The following TMEM108 variants were observed in gnomAD, a reference collection of about 807,000 sequenced individuals.
TMEM108 encodes the protein transmembrane protein 108.
Under a neutral mutation model 35.1 loss-of-function variants are expected in TMEM108, and 12 were observed. The ratio of observed to expected loss-of-function variants is 0.34; its 90% CI spans 0.22 to 0.55. TMEM108 has a LOEUF of 0.55. Ranked by LOEUF, TMEM108 falls within the 20% of genes least tolerant of loss-of-function variation. TMEM108 has a pLI of 0.89. For synonymous variants in TMEM108, 287 were observed against 308.6 expected (o/e 0.93, Z 0.73); for missense variants, 680 against 753.3 (o/e 0.90, Z 1.14).
intron 2 of TMEM108, among the ~76,000 whole-genome samples, chr3:133,172,837 G>A (rs1187600635): frequency 6.6e-6 from 1 of 152,164 alleles, no homozygotes. Context: ...GAATCATGGG[G>A]GCAGGTCTTT....
intron 2 of TMEM108, among the ~76,000 whole-genome samples, chr3:133,132,413 A>T (rs568249215): frequency 3.3e-5 from 5 of 152,324 alleles, no homozygotes; most frequent in African/African-American, 9.6e-5. Flanking sequence ...GAATGATGCT[A>T]AACTATTATT....
intron 4 of TMEM108, among the ~76,000 whole-genome samples, chr3:133,385,628 G>A (rs1457571343): frequency 6.6e-6 from 1 of 152,132 alleles, no homozygotes; most frequent in Non-Finnish European, 1.5e-5. Context: ...GTTTCTCATC[G>A]ACAAAACAAA....
intron 3 of TMEM108, among the ~76,000 whole-genome samples, chr3:133,337,936 T>C (rs181197825): frequency 1.3e-5 from 2 of 152,276 alleles, no homozygotes; most frequent in South Asian, 4.1e-4. Context: ...ATCAGGGTCT[T>C]TTAATAGCAG....
intron 3 of TMEM108, among the ~76,000 whole-genome samples, chr3:133,271,764 C>A (rs948196559): frequency 1.3e-5 from 2 of 152,140 alleles, no homozygotes; most frequent in African/African-American, 4.8e-5. Context: ...CCTAGAAGCA[C>A]GCTAAGCTTG....
At chr3:133,388,012 C>G in intron 4 of TMEM108, 1 of 985,492 alleles carries the variant, frequency 1.0e-6, no homozygotes, top group Admixed American at 6.1e-5. Context: ...TGTTCTGTGT[C>G]TATGGCAGTG....
intron 3 of TMEM108, among the ~76,000 whole-genome samples, chr3:133,377,124 T>G (rs1708385): frequency 2.6e-5 from 4 of 151,954 alleles, no homozygotes; most frequent in African/African-American, 9.7e-5. Context: ...GGCCCACTCT[T>G]TTGGCCTCAT....
chr3:133,297,811 C>A (rs931280670), intron 3 of TMEM108, among the ~76,000 whole-genome samples: 1 of 152,158 alleles, frequency 6.6e-6, no homozygotes, highest in Non-Finnish European at 1.5e-5. Flanking sequence ...AGAACAAGCA[C>A]CCCTCCAGGC....
intron 3 of TMEM108, among the ~76,000 whole-genome samples, chr3:133,308,698 C>T (rs1010724428): frequency 9.2e-5 from 14 of 152,154 alleles, no homozygotes; most frequent in African/African-American, 2.2e-4. Context: ...GCCTTGCATC[C>T]GCGGGGTGAA....
At chr3:133,088,114 A>G (rs887427071) in intron 2 of TMEM108, among the ~76,000 whole-genome samples, 3 of 152,166 alleles carry the variant, frequency 2.0e-5, no homozygotes, top group Non-Finnish European at 4.4e-5. Flanking sequence ...GGAGAAGTAA[A>G]AAGAAAGATG....
intron 2 of TMEM108, among the ~76,000 whole-genome samples, chr3:133,210,095 C>G (rs181699963): frequency 1.3e-5 from 2 of 152,286 alleles, no homozygotes; most frequent in African/African-American, 4.8e-5. Flanking sequence ...ATATAACTTG[C>G]AAATGTGGTT....
Position 133,380,742 on chromosome 3 carries a change from G to C in TMEM108, c.1031G>C (p.Arg344Thr). The C allele has an allele frequency of 2.5e-6, 4 of 1,614,106 alleles. No individual in the cohort carries two copies. The highest frequency in any genetic ancestry group is 3.4e-6 in the Non-Finnish European group (4 of 1,180,014). ...SWLTVTPGTS[R>T]PLSTSSGVFT... ...CTTACTGTTACCCCTGGCACCAGCA[G>C]ACCTCTGTCTACCAGCTCTGGGGTC... The change falls in exon 4 of 6, where the codon AGA becomes ACA. Residue 344 changes from arginine to threonine, a missense_variant. By Grantham distance (71) the Arg-to-Thr change is moderately conservative. This residue lies in a region of TMEM108 where 526 missense variants were observed against 532.1 expected (regional missense o/e 0.99). Coordinates refer to ENST00000321871, the MANE Select transcript of TMEM108 (RefSeq NM_023943.4). This position sits in a 1 kb window ranked among gnomAD's most constrained non-coding sequence, Gnocchi z 5.3.
intron 3 of TMEM108, among the ~76,000 whole-genome samples, chr3:133,339,966 A>G (rs1197278): frequency 0.98 from 148,422 of 151,858 alleles, 72,610 homozygotes; most frequent in East Asian, 1. Flanking sequence ...TAAGAAGAAA[A>G]TTTATAGCTA....
At position 133,291,967 on chromosome 3, in the gene TMEM108, T is replaced by A. The variant is rs528039125; in HGVS notation, c.40+62616T>A. Reference sequence around the variant, plus strand: ...TTTGGCTGAGCAGGATCTGCAGTGGTTCCCAACCCTGACTGCACATCTGAA... The same window carrying A: ...TTTGGCTGAGCAGGATCTGCAGTGGATCCCAACCCTGACTGCACATCTGAA... On this transcript the variant is annotated intron_variant, in intron 3 of 5. Transcript: ENST00000321871. Among the ~76,000 whole-genome samples the A allele has an allele frequency of 1.4e-4, 22 of 152,246 alleles. No homozygotes were observed. The South Asian group carries it at 4.6e-3, about 32-fold the overall frequency.
At chr3:133,091,293 G>C (rs1943944187) in intron 2 of TMEM108, among the ~76,000 whole-genome samples, 1 of 152,070 alleles carries the variant, frequency 6.6e-6, no homozygotes, top group Non-Finnish European at 1.5e-5. Flanking sequence ...CCTCTTTACA[G>C]GGATCTTCTG....
intron 2 of TMEM108, among the ~76,000 whole-genome samples, chr3:133,096,309 C>T (rs530594591): frequency 1.8e-4 from 27 of 152,254 alleles, no homozygotes; most frequent in Admixed American, 1.2e-3. Flanking sequence ...CAGGCATGCA[C>T]GACCACATGC....
intron 3 of TMEM108, among the ~76,000 whole-genome samples, chr3:133,359,112 A>T (rs1217230684): frequency 1.3e-5 from 2 of 152,232 alleles, no homozygotes; most frequent in Admixed American, 6.5e-5. Flanking sequence ...CATCAAGCCT[A>T]TAATGTTTAC....
At chr3:133,266,514 G>C (rs1946698886) in intron 3 of TMEM108, among the ~76,000 whole-genome samples, 1 of 152,180 alleles carries the variant, frequency 6.6e-6, no homozygotes, top group South Asian at 2.1e-4. Flanking sequence ...TAGTGTAGAA[G>C]AGAAAATAAA....
chr3:133,243,652 C>G (rs1946344256), intron 3 of TMEM108, among the ~76,000 whole-genome samples: 1 of 152,114 alleles, frequency 6.6e-6, no homozygotes, highest in Admixed American at 6.5e-5. Flanking sequence ...TCTCGAGTAG[C>G]TGGGACTACA....
At chr3:133,371,243 A>G (rs1450740750) in intron 3 of TMEM108, among the ~76,000 whole-genome samples, 1 of 152,200 alleles carries the variant, frequency 6.6e-6, no homozygotes, top group Non-Finnish European at 1.5e-5. Context: ...GCTTAGATCA[A>G]TAACAATCAT....
Sources: allele counts gnomAD v4.1 joint callset (sites outside exome capture counted in the v4.1 genomes callset), GRCh38; gene constraint gnomAD v4.1.1; regional missense constraint gnomAD v4.1.1; non-coding constraint Gnocchi (gnomAD v3.1); transcripts MANE v1.5; gene names NCBI Gene and HGNC (gene_info 2026-07-23, HGNC 2026-07-21).